MAML2: variants seen among roughly 807,000 people sequenced by gnomAD.
MAML2 encodes mastermind like transcriptional coactivator 2, also known as mastermind-like protein 2.
MAML2 carries 22 observed loss-of-function variants against 96.1 expected under a neutral mutation model. The ratio of observed to expected loss-of-function variants is 0.23; its 90% CI spans 0.16 to 0.33. MAML2 has a LOEUF of 0.33. Among genes scored for constraint, MAML2 ranks in the 10% least tolerant of loss-of-function variants. The probability of loss-of-function intolerance (pLI) is 1.00; values close to 1 mark genes in which losing one functional copy is unlikely to be tolerated. For synonymous variants in MAML2, 561 were observed against 521.3 expected, an observed-to-expected ratio of 1.08 and a Z score of -1.04; for missense variants, 1,367 against 1,392.4, an observed-to-expected ratio of 0.98 and a Z score of 0.29.
At position 96,341,709 on chromosome 11, in the gene MAML2, C is replaced by T. The variant is rs768173637; in HGVS notation, c.187G>A (p.Ala63Thr). 9 of 1,610,896 alleles carry T rather than the reference C, an allele frequency of 5.6e-6. No individual in the cohort carries two copies. In the Admixed American group the frequency reaches 1.2e-4, roughly 21 times the overall value. ...SCEGRYERGR[A>T]ESSDREREST... ...TCTCTTTCCCGGTCTGAGCTCTCGG[C>T]CCTACCTCGTTCATATCGTCCTTCA... The change falls in exon 1 of 5, where the codon GCC becomes ACC. Residue 63 changes from alanine (A) to threonine (T), a missense_variant. Physicochemically the swap from Ala to Thr is moderately conservative, Grantham distance 58. Coordinates refer to ENST00000524717, the MANE Select transcript of MAML2 (RefSeq NM_032427.4).
rs542418241 is a variant in MAML2 at position 96,027,069 on chromosome 11, C to T, written c.2140-35346G>A. Among the ~76,000 whole-genome samples, 3 of 152,224 alleles carry T rather than the reference C, an allele frequency of 2.0e-5. No homozygotes were observed. The South Asian group carries it at 6.2e-4, about 32-fold the overall frequency. On this transcript the variant is annotated intron_variant, in intron 2 of 4. Coordinates refer to ENST00000524717, the MANE Select transcript of MAML2 (RefSeq NM_032427.4). The stretch of plus-strand genomic sequence containing the variant: ...CTACAGGAAGTACAGGATACTGGTG[C>T]CTCTGGAGTTTCTAGCTAAGGTGAC...
intron 4 of MAML2, among the ~76,000 whole-genome samples, chr11:95,982,062 G>T (rs935448619): frequency 6.6e-6 from 1 of 152,086 alleles, no homozygotes; most frequent in Non-Finnish European, 1.5e-5. Flanking sequence ...TCTGGGAAAG[G>T]TAATCATTAT....
chr11:96,287,693 A>G (rs1863158727), intron 1 of MAML2, among the ~76,000 whole-genome samples: 1 of 152,224 alleles, frequency 6.6e-6, no homozygotes, highest in Non-Finnish European at 1.5e-5. Context: ...CGGTAATTGA[A>G]CTACAAAACA....
chr11:96,029,196 T>C (rs540447713), intron 2 of MAML2, among the ~76,000 whole-genome samples: 1 of 140,934 alleles, frequency 7.1e-6, no homozygotes, highest in African/African-American at 2.6e-5. Context: ...CAAATAATAA[T>C]AAAAAAAAAA....
In MAML2 at chr11:95,985,607, A is replaced by C; in HGVS notation, c.2379T>G (p.His793Gln). 4 of 1,612,606 alleles carry C rather than the reference A, an allele frequency of 2.5e-6. 1 individual carries two copies. The highest frequency in any genetic ancestry group is 3.3e-4 in the Middle Eastern group (2 of 6,052). The change falls in exon 4 of 5, where the codon CAT (histidine) becomes CAG (glutamine). Residue 793 changes from histidine (H) to glutamine (Q), a missense_variant. By Grantham distance (24) the His-to-Gln change is conservative (BLOSUM62 0). Coordinates refer to ENST00000524717, the MANE Select transcript of MAML2 (RefSeq NM_032427.4). ...KIAPQDQINR[H>Q]LSRPPPDYKD... ...TATAATCTGGAGGTGGCCTTGACAA[A>C]TGTCGGTTTATCTGATCTTGTGGAG...
At chr11:96,123,246 C>CA (rs1404221422) in intron 1 of MAML2, among the ~76,000 whole-genome samples, 7 of 151,662 alleles carry the variant, frequency 4.6e-5, no homozygotes, top group Non-Finnish European at 8.8e-5. Flanking sequence ...ACTAGATCTC[C>CA]AAAAAAATGC....
At chr11:96,012,198 A>G (rs1858277102) in intron 2 of MAML2, among the ~76,000 whole-genome samples, 1 of 152,220 alleles carries the variant, frequency 6.6e-6, no homozygotes, top group African/African-American at 2.4e-5. Context: ...GCACTGTGAG[A>G]GCATTTTCAT....
At chr11:96,319,865 T>C (rs1045046633) in intron 1 of MAML2, among the ~76,000 whole-genome samples, 2 of 152,218 alleles carry the variant, frequency 1.3e-5, no homozygotes, top group Middle Eastern at 3.2e-3. Flanking sequence ...AATTTTTTAT[T>C]GCAACAAGCA....
intron 1 of MAML2, among the ~76,000 whole-genome samples, chr11:96,274,201 G>A (rs999524433): frequency 6.6e-6 from 1 of 151,012 alleles, no homozygotes; most frequent in African/African-American, 2.4e-5. Context: ...TCCTGCGTGA[G>A]CCTTTCTGCT....
chr11:95,981,029 C>T (rs1857728620), intron 4 of MAML2, among the ~76,000 whole-genome samples: 1 of 152,176 alleles, frequency 6.6e-6, no homozygotes, highest in Non-Finnish European at 1.5e-5. Flanking sequence ...CCATTTGCAG[C>T]AGTGAGGAGC....
At chr11:96,254,177 C>G (rs531168220) in intron 1 of MAML2, among the ~76,000 whole-genome samples, 1 of 152,296 alleles carries the variant, frequency 6.6e-6, no homozygotes, top group African/African-American at 2.4e-5. Context: ...CGGAGACTTT[C>G]ACTCAATACA....
intron 2 of MAML2, among the ~76,000 whole-genome samples, chr11:96,000,783 C>A (rs1046162291): frequency 1.1e-4 from 17 of 152,112 alleles, no homozygotes; most frequent in Non-Finnish European, 1.9e-4. Context: ...AGGTCACACA[C>A]CTAACTGAGA....
Position 95,991,504 on chromosome 11 carries a change from TA to T in MAML2, c.2343+15del, listed in dbSNP as rs1483917266. On this transcript the variant is annotated intron_variant, in intron 3 of 4. Coordinates refer to ENST00000524717, the MANE Select transcript of MAML2 (RefSeq NM_032427.4). ...GTCAACAGGTTTGTTCAGTAGAAATTAAGAGAAAGTTTTACCGCGTCAGCCA... is the reference window on the plus strand; with the variant it reads ...GTCAACAGGTTTGTTCAGTAGAAATTAGAGAAAGTTTTACCGCGTCAGCCA... 1 of 1,612,538 alleles carries T rather than the reference TA, an allele frequency of 6.2e-7. No homozygotes were observed. Among genetic ancestry groups the T allele is most frequent in the East Asian group, 2.2e-5 (1 of 44,872 alleles).
intron 1 of MAML2, among the ~76,000 whole-genome samples, chr11:96,217,137 G>T (rs1324394509): frequency 1.3e-5 from 2 of 152,166 alleles, no homozygotes; most frequent in African/African-American, 4.8e-5. Flanking sequence ...ATGTTACACT[G>T]CTGTTCCTAT....
intron 1 of MAML2, among the ~76,000 whole-genome samples, chr11:96,102,844 C>T (rs1859957109): frequency 5.9e-5 from 9 of 152,168 alleles, no homozygotes. Context: ...CTGAAAAATC[C>T]AGCTGCTTTG....
intron 1 of MAML2, among the ~76,000 whole-genome samples, chr11:96,204,900 C>A (rs1861875199): frequency 6.6e-6 from 1 of 152,170 alleles, no homozygotes; most frequent in Non-Finnish European, 1.5e-5. Flanking sequence ...CATTTCATTT[C>A]TCTTTATCCT....
chr11:96,163,345 T>G (rs1304312946), intron 1 of MAML2, among the ~76,000 whole-genome samples: 1 of 152,220 alleles, frequency 6.6e-6, no homozygotes, highest in African/African-American at 2.4e-5. Flanking sequence ...TTCTATCAAC[T>G]CTTCCAGCTT....
chr11:96,308,550 T>C (rs2136002770), intron 1 of MAML2, among the ~76,000 whole-genome samples: 1 of 152,332 alleles, frequency 6.6e-6, no homozygotes, highest in Middle Eastern at 3.4e-3. Context: ...TATGTTGCAA[T>C]TTTTATCAGT....
chr11:96,246,038 TG>T (rs1460767396), intron 1 of MAML2, among the ~76,000 whole-genome samples: 5 of 150,950 alleles, frequency 3.3e-5, no homozygotes, highest in Non-Finnish European at 7.4e-5. Flanking sequence ...AACAAAAACG[TG>T]GAGGCTTATC....
Sources: gnomAD v4.1 joint callset for allele counts (sites outside exome capture counted in the v4.1 genomes callset) on GRCh38, gnomAD v4.1.1 for gene constraint, MANE v1.5 for transcripts, NCBI Gene and HGNC (gene_info 2026-07-23, HGNC 2026-07-21) for gene names.